Variants in WASL observed in about 807,000 individuals in gnomAD.
WASL encodes the protein actin nucleation-promoting factor WASL.
WASL carries 20 observed loss-of-function variants against 55.5 expected under a neutral mutation model. The ratio of observed to expected loss-of-function variants is 0.36; its 90% CI spans 0.25 to 0.52. The LOEUF is 0.52. Ranked by LOEUF, WASL falls within the 20% of genes least tolerant of loss-of-function variation. WASL has a pLI of 0.92. For missense variants in WASL, 504 were observed against 622.5 expected (o/e 0.81, Z 2.03); for synonymous variants, 249 against 217.6 (o/e 1.14, Z -1.27).
intron 9 of WASL, among the ~76,000 whole-genome samples, chr7:123,689,796 ATAAT>A (rs59903291): frequency 0.45 from 68,306 of 150,892 alleles, 15,671 homozygotes; most frequent in South Asian, 0.66. Context: ...AAAAAAAATT[ATAAT>A]TAAAGATGAA....
At chr7:123,748,464 G>T (rs952216285) in intron 1 of WASL, among the ~76,000 whole-genome samples, 154 bp downstream of exon 1, 2 of 151,916 alleles carry the variant, frequency 1.3e-5, no homozygotes, top group Non-Finnish European at 2.9e-5. Context: ...GGAGCAGGGC[G>T]AGGGCGCCGA....
chr7:123,717,776 TAGAAC>T (rs1457000986), intron 1 of WASL, among the ~76,000 whole-genome samples: 3 of 152,222 alleles, frequency 2.0e-5, no homozygotes, highest in African/African-American at 4.8e-5. Context: ...GCAAATATGT[TAGAAC>T]AGGAGTCTTT....
chr7:123,721,649 G>A (rs1459145678), intron 1 of WASL, among the ~76,000 whole-genome samples: 1 of 152,140 alleles, frequency 6.6e-6, no homozygotes, highest in East Asian at 1.9e-4. Context: ...CTTAAGGCTG[G>A]GTGTGGTGGC....
intron 1 of WASL, among the ~76,000 whole-genome samples, chr7:123,735,769 G>C (rs1212043052): frequency 6.6e-6 from 1 of 151,976 alleles, no homozygotes; most frequent in Non-Finnish European, 1.5e-5. Context: ...AGGAGGAGGA[G>C]GAAGACGAGG....
chr7:123,742,028 T>C (rs1393987904), intron 1 of WASL, among the ~76,000 whole-genome samples: 1 of 152,186 alleles, frequency 6.6e-6, no homozygotes, highest in African/African-American at 2.4e-5. Context: ...ATATTTTAAA[T>C]AAAATCCCTA....
chr7:123,732,609 T>C (rs1804158468), intron 1 of WASL, among the ~76,000 whole-genome samples: 1 of 152,166 alleles, frequency 6.6e-6, no homozygotes, highest in Admixed American at 6.5e-5. Flanking sequence ...CACTGGTGAA[T>C]TATCCTAAAC....
chr7:123,710,364 A>G (rs1379959890), intron 1 of WASL, among the ~76,000 whole-genome samples: 1 of 151,824 alleles, frequency 6.6e-6, no homozygotes, highest in South Asian at 2.1e-4. Context: ...GGAGCTGATT[A>G]AGTAATTATG....
intron 10 of WASL, among the ~76,000 whole-genome samples, chr7:123,685,342 A>G (rs1215193581): frequency 1.3e-5 from 2 of 151,852 alleles, no homozygotes; most frequent in Non-Finnish European, 2.9e-5. Context: ...AACTTCTCTC[A>G]TATGTACTCT....
chr7:123,693,650 G>A (rs1803448326), intron 8 of WASL, among the ~76,000 whole-genome samples: 1 of 152,118 alleles, frequency 6.6e-6, no homozygotes, highest in South Asian at 2.1e-4. Flanking sequence ...TTCCACATCA[G>A]TGAAAATGTA....
intron 1 of WASL, among the ~76,000 whole-genome samples, chr7:123,715,358 G>C (rs542947892): frequency 2.0e-5 from 3 of 152,254 alleles, no homozygotes; most frequent in Admixed American, 6.5e-5. Flanking sequence ...TGTCCTTTCT[G>C]AGCCCAGTCC....
At chr7:123,730,095 A>C (rs1016043095) in intron 1 of WASL, among the ~76,000 whole-genome samples, 1 of 152,186 alleles carries the variant, frequency 6.6e-6, no homozygotes, top group Non-Finnish European at 1.5e-5. Flanking sequence ...AAAATACAAC[A>C]ACCTAACATT....
intron 1 of WASL, among the ~76,000 whole-genome samples, chr7:123,748,356 G>A (rs910752517): frequency 5.3e-5 from 8 of 152,130 alleles, no homozygotes; most frequent in Non-Finnish European, 8.8e-5. Flanking sequence ...CGCGGGCCGA[G>A]GCCCGGCCAG....
intron 1 of WASL, among the ~76,000 whole-genome samples, chr7:123,739,557 T>C (rs4731118): frequency 0.28 from 43,228 of 152,116 alleles, 6,627 homozygotes; most frequent in African/African-American, 0.38. Context: ...AACACTTTAT[T>C]ATAAAATGGG....
chr7:123,686,209 T>G (rs1803286896), intron 10 of WASL, among the ~76,000 whole-genome samples: 2 of 151,874 alleles, frequency 1.3e-5, no homozygotes, highest in Admixed American at 6.6e-5. Flanking sequence ...ATTATTTATT[T>G]ATTTATTTAT....
intron 1 of WASL, among the ~76,000 whole-genome samples, chr7:123,743,328 C>T (rs935292564): frequency 7.6e-4 from 106 of 139,500 alleles, no homozygotes; most frequent in Non-Finnish European, 1.2e-3. Flanking sequence ...CAAAGCAAGA[C>T]TCTGTCTCAA....
intron 1 of WASL, among the ~76,000 whole-genome samples, chr7:123,728,202 C>CCTGGG (rs1804082191): frequency 2.0e-5 from 3 of 152,150 alleles, no homozygotes; most frequent in African/African-American, 7.2e-5. Context: ...AAAAAACTCA[C>CCTGGG]ATTTGTTTAA....
In WASL at chr7:123,689,028, C is replaced by CTT; in HGVS notation, c.1456+13_1456+14insAA. ...TCTGTCTCTCTCTCTCTCTCTCTCT[C>CTT]TCTCTCTCTCTACCTGAAGAATGAA... is the stretch of plus-strand genomic sequence containing the variant. On this transcript the variant is annotated intron_variant, in intron 10 of 10. Coordinates refer to ENST00000223023, the MANE Select transcript of WASL (RefSeq NM_003941.4). 1 of 1,595,748 alleles carries CTT rather than the reference C, an allele frequency of 6.3e-7. No individual in the cohort carries two copies. Among genetic ancestry groups the CTT allele is most frequent in the Non-Finnish European group, 8.6e-7 (1 of 1,167,644 alleles).
At chr7:123,742,495 C>A (rs1052523656) in intron 1 of WASL, among the ~76,000 whole-genome samples, 3 of 152,098 alleles carry the variant, frequency 2.0e-5, no homozygotes, top group African/African-American at 7.2e-5. Context: ...ACCACTGAAA[C>A]TAAAAACCGA....
intron 1 of WASL, among the ~76,000 whole-genome samples, chr7:123,738,564 C>A (rs1457624348): frequency 6.6e-6 from 1 of 152,148 alleles, no homozygotes; most frequent in African/African-American, 2.4e-5. Flanking sequence ...TTAAATATTG[C>A]CAATTTTTTC....
Sources: gnomAD v4.1 joint callset for allele counts (sites outside exome capture counted in the v4.1 genomes callset) on GRCh38, gnomAD v4.1.1 for gene constraint, MANE v1.5 for transcripts, NCBI Gene and HGNC (gene_info 2026-07-23, HGNC 2026-07-21) for gene names.